The following NECAB1 variants were observed in gnomAD, a reference collection of about 807,000 sequenced individuals.
NECAB1 encodes N-terminal EF-hand calcium binding protein 1, also known as N-terminal EF-hand calcium-binding protein 1.
Under a neutral mutation model 57.5 loss-of-function variants are expected in NECAB1, and 29 were observed. The ratio of observed to expected loss-of-function variants is 0.50; its 90% CI spans 0.38 to 0.69. The LOEUF (loss-of-function observed/expected upper bound fraction) is 0.69. Among genes scored for constraint, NECAB1 ranks in the 30% least tolerant of loss-of-function variants. The pLI, the probability that NECAB1 is intolerant of heterozygous loss-of-function variation, is 0.00. For synonymous variants in NECAB1, 142 were observed against 147.7 expected, an observed-to-expected ratio of 0.96 and a Z score of 0.28; for missense variants, 372 against 413.8, an observed-to-expected ratio of 0.90 and a Z score of 0.88.
chr8:90,935,107 T>C (rs1810503927), intron 9 of NECAB1, among the ~76,000 whole-genome samples: 1 of 152,184 alleles, frequency 6.6e-6, no homozygotes, highest in African/African-American at 2.4e-5. Context: ...TTTAATCCCT[T>C]AGATGTATTA....
chr8:90,863,813 A>G (rs1223486051), intron 3 of NECAB1, among the ~76,000 whole-genome samples: 2 of 152,184 alleles, frequency 1.3e-5, no homozygotes, highest in African/African-American at 4.8e-5. Context: ...TACTAATGGC[A>G]GAACAAGAAG....
rs532945382 is a variant in NECAB1, at chr8:90,838,292, G to A, written c.233+13467G>A. 4.2e-4 allele frequency among the ~76,000 whole-genome samples: 64 copies of A among 152,182 alleles called. 2 individuals carry two copies. In the South Asian group the frequency reaches 0.011, roughly 27 times the overall value. On this transcript the variant is annotated intron_variant, in intron 3 of 12. Transcript: ENST00000417640. ...GCTAATTGATGTAAATAAGAGTTAA[G>A]TTCCCATAGCATATTTCTAGTCATA...
chr8:90,873,770 G>A (rs1401177331), intron 4 of NECAB1, among the ~76,000 whole-genome samples: 1 of 152,056 alleles, frequency 6.6e-6, no homozygotes, highest in Non-Finnish European at 1.5e-5. Flanking sequence ...AAGGAATATT[G>A]TGTTATCCTC....
intron 3 of NECAB1, among the ~76,000 whole-genome samples, chr8:90,850,826 CTGAG>C (rs1446338315): frequency 1.3e-5 from 2 of 152,150 alleles, no homozygotes; most frequent in Non-Finnish European, 2.9e-5. Context: ...TTGGAATTTC[CTGAG>C]TGTTAGGGAT....
chr8:90,878,499 T>A (rs918562490), intron 4 of NECAB1, among the ~76,000 whole-genome samples: 2 of 152,150 alleles, frequency 1.3e-5, no homozygotes, highest in African/African-American at 4.8e-5. Context: ...CCCATATCCC[T>A]CAGTGAGTAA....
At chr8:90,831,764 A>C (rs1812301784) in intron 3 of NECAB1, among the ~76,000 whole-genome samples, 1 of 152,070 alleles carries the variant, frequency 6.6e-6, no homozygotes, top group South Asian at 2.1e-4. Context: ...GCAACTTCCA[A>C]AACTTAGATT....
chr8:90,797,933 T>C (rs1811689692), intron 1 of NECAB1, among the ~76,000 whole-genome samples: 1 of 152,178 alleles, frequency 6.6e-6, no homozygotes, highest in Non-Finnish European at 1.5e-5. Context: ...ATTGTATTAG[T>C]TTCCTAGGGC....
At position 90,875,183 on chromosome 8, in the gene NECAB1, T is replaced by C. The variant is rs570959740; in HGVS notation, c.259+3030T>C. ...TTTTGCAGATCTTGAAGTTGGTAGT[T>C]AAGAATAGATAGTTGAGGCCGGGCG... On this transcript the variant is annotated intron_variant, in intron 4 of 12. Coordinates refer to ENST00000417640, the MANE Select transcript of NECAB1 (RefSeq NM_022351.5). Among the ~76,000 whole-genome samples, 83 of 152,114 alleles carry C rather than the reference T, an allele frequency of 5.5e-4. 1 individual carries two copies. The highest frequency in any genetic ancestry group is 9.6e-4 in the Non-Finnish European group (65 of 68,014).
chr8:90,945,313 G>A lies in NECAB1; in HGVS notation c.860+4415G>A, dbSNP rs186334798. On this transcript the variant is annotated intron_variant, in intron 10 of 12. Transcript: ENST00000417640. ...GAACCTCCGACTTCGTGATCCGCCC[G>A]CCTCAGTCTCCCAAAGTGCTGGAAT... Among the ~76,000 whole-genome samples the A allele has an allele frequency of 1.7e-3, 259 of 152,092 alleles. 1 individual carries two copies. The highest frequency in any genetic ancestry group is 6.1e-3 in the African/African-American group (252 of 41,492).
intron 11 of NECAB1, among the ~76,000 whole-genome samples, chr8:90,950,889 TCTC>T (rs1477941827): frequency 6.6e-6 from 1 of 152,274 alleles, no homozygotes; most frequent in African/African-American, 2.4e-5. Context: ...AAAGTAATGT[TCTC>T]CTGGTTTAAA....
chr8:90,816,402 C>T (rs1812062158), intron 2 of NECAB1, among the ~76,000 whole-genome samples: 1 of 151,734 alleles, frequency 6.6e-6, no homozygotes, highest in Non-Finnish European at 1.5e-5. Flanking sequence ...GATGTTGTAT[C>T]CAAAAGCTCA....
chr8:90,942,733 T>C (rs1166712842), intron 10 of NECAB1, among the ~76,000 whole-genome samples: 1 of 152,018 alleles, frequency 6.6e-6, no homozygotes, highest in Admixed American at 6.6e-5. Context: ...AATACAAAAA[T>C]TAGCTGGGCA....
At chr8:90,936,591 T>C (rs1264896469) in intron 9 of NECAB1, among the ~76,000 whole-genome samples, 1 of 152,186 alleles carries the variant, frequency 6.6e-6, no homozygotes, top group Non-Finnish European at 1.5e-5. Context: ...ATTTCTAGCC[T>C]GTAAAGTAGA....
chr8:90,917,767 T>C (rs1208237206), intron 6 of NECAB1, 139 bp downstream of exon 6: 1 of 738,886 alleles, frequency 1.4e-6, no homozygotes, highest in Admixed American at 4.1e-5. Context: ...TGACCTCCAC[T>C]GGTTGCTTGC....
At chr8:90,936,448 C>T (rs1403233831) in intron 9 of NECAB1, among the ~76,000 whole-genome samples, 1 of 152,082 alleles carries the variant, frequency 6.6e-6, no homozygotes, top group Non-Finnish European at 1.5e-5. Context: ...GTAGTGCTAT[C>T]CTCAGACTCA....
At chr8:90,938,288 T>C (rs1399526065) in intron 9 of NECAB1, among the ~76,000 whole-genome samples, 1 of 152,112 alleles carries the variant, frequency 6.6e-6, no homozygotes, top group African/African-American at 2.4e-5. Flanking sequence ...ATAAGGTAAA[T>C]GATAAATGAT....
chr8:90,945,425 C>G (rs1810781091), intron 10 of NECAB1, among the ~76,000 whole-genome samples: 2 of 152,106 alleles, frequency 1.3e-5, no homozygotes, highest in Non-Finnish European at 2.9e-5. Context: ...GTCTTGAACT[C>G]CTGGACTCAA....
intron 3 of NECAB1, among the ~76,000 whole-genome samples, chr8:90,868,742 A>G (rs1808565035): frequency 6.6e-6 from 1 of 152,266 alleles, no homozygotes; most frequent in Non-Finnish European, 1.5e-5. Flanking sequence ...AGCAGAGCAT[A>G]AAAGTTTAGA....
intron 2 of NECAB1, among the ~76,000 whole-genome samples, chr8:90,815,806 C>T (rs1252434894): frequency 6.6e-6 from 1 of 151,890 alleles, no homozygotes; most frequent in Non-Finnish European, 1.5e-5. Flanking sequence ...TTCAGTTGAG[C>T]TACTTCAGTA....
Sources: allele counts gnomAD v4.1 joint callset (sites outside exome capture counted in the v4.1 genomes callset), GRCh38; gene constraint gnomAD v4.1.1; transcripts MANE v1.5; gene names NCBI Gene and HGNC (gene_info 2026-07-23, HGNC 2026-07-21).